Variants in AMACR observed in about 807,000 individuals in gnomAD.
AMACR encodes alpha-methylacyl-CoA racemase, also known as 2-methylacyl-CoA racemase.
A neutral mutation model predicts 22.2 loss-of-function variants in AMACR; 18 were observed. The observed-to-expected ratio is 0.81, with a 90% CI of 0.56 to 1.20. AMACR has a LOEUF of 1.20. Among genes scored for constraint, AMACR ranks in the 50% most tolerant of loss-of-function variants. AMACR has a pLI of 0.00. For synonymous variants in AMACR, 213 were observed against 191.3 expected (o/e 1.11, Z -0.94); for missense variants, 499 against 490.6 (o/e 1.02, Z -0.16).
At chr5:33,993,992 T>G (rs1470444250) in intron 4 of AMACR, 2 of 451,660 alleles carry the variant, frequency 4.4e-6, no homozygotes, top group Non-Finnish European at 8.9e-6. Flanking sequence ...TGTCATAAAA[T>G]TCTCAGTGTT....
intron 3 of AMACR, 61 bp from the exon 4 acceptor site, chr5:33,998,888 T>C: frequency 2.0e-6 from 3 of 1,531,100 alleles, no homozygotes; most frequent in Non-Finnish European, 2.7e-6. Flanking sequence ...CATGAATAAT[T>C]CCTCCCATTC....
At chr5:33,998,936 AG>A in intron 3 of AMACR, 109 bp from the exon 4 acceptor site, 1 of 978,606 alleles carries the variant, frequency 1.0e-6, no homozygotes, top group Non-Finnish European at 1.6e-6. Context: ...CTTATCTTAG[AG>A]TATACGAAGA....
chr5:33,988,203 T>C lies in AMACR; in HGVS notation c.*890A>G. The C allele has an allele frequency of 9.2e-7, 1 of 1,081,716 alleles. No individual in the cohort carries two copies. The highest frequency in any genetic ancestry group is 1.3e-6 in the Non-Finnish European group (1 of 762,150). 67.0% of individuals were successfully genotyped at this position (1,081,716 alleles called of 1,614,324 possible). On this transcript the variant is annotated 3_prime_UTR_variant, in exon 5 of 5. Coordinates refer to ENST00000335606, the MANE Select transcript of AMACR (RefSeq NM_014324.6). ...GCTCCAGGAGCAGGCTGGTTTTATG[T>C]AAAGACAATCCCGTCTTCTTTGTCA...
intron 3 of AMACR, among the ~76,000 whole-genome samples, chr5:34,002,531 G>GA (rs1207922999): frequency 2.6e-5 from 4 of 152,172 alleles, no homozygotes; most frequent in African/African-American, 9.7e-5. Context: ...GGCAGCAGGG[G>GA]AAGTTGTTGA....
intron 3 of AMACR, among the ~76,000 whole-genome samples, chr5:34,000,914 T>C (rs1753796520): frequency 6.6e-6 from 1 of 152,228 alleles, no homozygotes; most frequent in Non-Finnish European, 1.5e-5. Context: ...CTTTTATATG[T>C]TGAACGCCCT....
At chr5:34,007,343 T>C (rs900882197) in intron 1 of AMACR, among the ~76,000 whole-genome samples, 1 of 152,156 alleles carries the variant, frequency 6.6e-6, no homozygotes, top group Non-Finnish European at 1.5e-5. Flanking sequence ...AGCGTTAGCC[T>C]GGGCCCGTGG....
chr5:33,992,783 T>A (rs16892090), intron 4 of AMACR, among the ~76,000 whole-genome samples: 8,467 of 152,158 alleles, frequency 0.056, 838 homozygotes, highest in African/African-American at 0.19. Context: ...CCACATCCCA[T>A]ATTTTCCCAA....
At chr5:34,000,321 C>T (rs1436977092) in intron 3 of AMACR, among the ~76,000 whole-genome samples, 1 of 152,184 alleles carries the variant, frequency 6.6e-6, no homozygotes, top group East Asian at 1.9e-4. Context: ...TCATACAGTG[C>T]AAGAGAGAGT....
chr5:33,993,786 C>A (rs534635353), intron 4 of AMACR, among the ~76,000 whole-genome samples: 3 of 152,198 alleles, frequency 2.0e-5, no homozygotes, highest in Admixed American at 2.0e-4. Context: ...GTAATCCCAG[C>A]TACTCAGGAG....
At chr5:34,002,901 C>A (rs1168411749) in intron 3 of AMACR, among the ~76,000 whole-genome samples, 1 of 152,180 alleles carries the variant, frequency 6.6e-6, no homozygotes, top group African/African-American at 2.4e-5. Context: ...CACAGGCACA[C>A]ACTCAGTACA....
Position 33,986,319 on chromosome 5 carries a change from C to T in AMACR, c.*2774G>A, listed in dbSNP as rs1753289874. ...TGTGTCAGATCGCCCTGATATTTCTCCTCGTGGTACTTAACACATTTTACA... is the reference window on the plus strand; with the variant it reads ...TGTGTCAGATCGCCCTGATATTTCTTCTCGTGGTACTTAACACATTTTACA... On this transcript the variant is annotated 3_prime_UTR_variant, in exon 5 of 5. Transcript: ENST00000335606. 2 of 152,176 alleles carry T rather than the reference C, an allele frequency of 1.3e-5. No individual in the cohort carries two copies. Among genetic ancestry groups the T allele is most frequent in the African/African-American group, 2.4e-5 (1 of 41,448 alleles). The allele number at this position is 152,176 out of a possible 1,614,324, so 9.4% of individuals were successfully genotyped here. A position where few individuals can be genotyped will look rare whatever the true frequency, so the allele number is the denominator to read the frequency against.
chr5:33,992,574 G>C (rs1753515770), intron 4 of AMACR, among the ~76,000 whole-genome samples: 2 of 151,996 alleles, frequency 1.3e-5, no homozygotes, highest in Non-Finnish European at 2.9e-5. Context: ...GCCAGGCCTG[G>C]TGGCACAGGC....
chr5:33,995,296 T>C (rs1753602739), intron 4 of AMACR, among the ~76,000 whole-genome samples: 1 of 152,248 alleles, frequency 6.6e-6, no homozygotes, highest in African/African-American at 2.4e-5. Context: ...GCAAAGGTGA[T>C]GCTGGCAATG....
intron 4 of AMACR, among the ~76,000 whole-genome samples, chr5:33,990,335 C>G (rs1208569770): frequency 1.3e-5 from 2 of 152,202 alleles, no homozygotes; most frequent in Non-Finnish European, 2.9e-5. Context: ...CTTTCCTCTC[C>G]GGCATGAAAG....
chr5:33,996,996 T>G, intron 4 of AMACR: 1 of 614,080 alleles, frequency 1.6e-6, no homozygotes, highest in Non-Finnish European at 3.0e-6. Flanking sequence ...AAATGTCCAG[T>G]ATTTTTTTTT....
At chr5:34,006,380 T>C (rs34686) in intron 1 of AMACR, among the ~76,000 whole-genome samples, 38,224 of 152,134 alleles carry the variant, frequency 0.25, 6,084 homozygotes, top group African/African-American at 0.46. Flanking sequence ...CACCCATCTG[T>C]AGAAAGAGTG....
intron 3 of AMACR, among the ~76,000 whole-genome samples, chr5:34,001,519 T>TCC (rs1435485580): frequency 6.6e-6 from 1 of 152,198 alleles, no homozygotes; most frequent in African/African-American, 2.4e-5. Context: ...TGTTTACACA[T>TCC]CCAGTTAGGT....
In AMACR at chr5:33,996,279, T is replaced by C. The variant is rs80102819; in HGVS notation, c.739+2362A>G. Among the ~76,000 whole-genome samples the C allele has an allele frequency of 8.1e-3, 1,239 of 152,308 alleles. 17 individuals carry two copies. Among genetic ancestry groups the C allele is most frequent in the African/African-American group, 0.029 (1,195 of 41,572 alleles). On this transcript the variant is annotated intron_variant, in intron 4 of 4. Transcript: ENST00000335606. The stretch of plus-strand genomic sequence containing the variant: ...AATAAACTGGGGAATGGGATATCCA[T>C]AGGGGACTTTGAAAAGCTCCAACAT...
chr5:33,996,969 T>TC, intron 4 of AMACR: 1 of 575,196 alleles, frequency 1.7e-6, no homozygotes, highest in Non-Finnish European at 3.1e-6. Context: ...CTGGGAGTTG[T>TC]CACATTAAAT....
Sources: gnomAD v4.1 joint callset for allele counts (sites outside exome capture counted in the v4.1 genomes callset) on GRCh38, gnomAD v4.1.1 for gene constraint, MANE v1.5 for transcripts, NCBI Gene and HGNC (gene_info 2026-07-23, HGNC 2026-07-21) for gene names.